The following ESS2 variants were observed in gnomAD, a reference collection of about 807,000 sequenced individuals.
ESS2 encodes splicing factor ESS-2 homolog.
ESS2 carries 31 observed loss-of-function variants against 52.0 expected under a neutral mutation model. The observed-to-expected ratio is 0.60, with a 90% CI of 0.45 to 0.81. ESS2 has a LOEUF of 0.81. ESS2 is among the 30% of genes least tolerant of loss of function. The pLI, the probability that ESS2 is intolerant of heterozygous loss-of-function variation, is 0.00. For missense variants in ESS2, 602 were observed against 637.2 expected, an observed-to-expected ratio of 0.94 and a Z score of 0.59; for synonymous variants, 285 against 259.2, an observed-to-expected ratio of 1.10 and a Z score of -0.95.
intron 1 of ESS2, among the ~76,000 whole-genome samples, chr22:19,143,818 C>T (rs948765083): frequency 3.3e-5 from 5 of 152,304 alleles, no homozygotes; most frequent in Middle Eastern, 6.8e-3. Flanking sequence ...CGAGATCGCG[C>T]CACTGCACTC....
At chr22:19,138,499 G>C (rs1414007162) in intron 6 of ESS2, 182 bp from the exon 7 acceptor site, 1 of 718,390 alleles carries the variant, frequency 1.4e-6, no homozygotes, top group Non-Finnish European at 2.6e-6. Flanking sequence ...CCCCCCAAAA[G>C]ACCTTGAGGG....
In ESS2 at chr22:19,137,337, CG is replaced by C; in HGVS notation, c.1020del (p.Gly341AlafsTer17). On this transcript the variant is annotated frameshift_variant, in exon 8 of 10. Coordinates refer to ENST00000252137, the MANE Select transcript of ESS2 (RefSeq NM_022719.3). LOFTEE classifies it high-confidence loss of function. ...GSETPYVDRT[P>X]GPAFKILEPG... ...CCACAACCCACCTTAAAAGCTGGGC[CG>C]GGTGTCCTGTCCACGTAGGGCGTTT... is the stretch of plus-strand genomic sequence containing the variant. The C allele has an allele frequency of 1.2e-6, 2 of 1,613,036 alleles. No homozygotes were observed. Among genetic ancestry groups the C allele is most frequent in the South Asian group, 2.2e-5 (2 of 90,994 alleles).
chr22:19,136,414 G>T (rs2083583682), intron 8 of ESS2, among the ~76,000 whole-genome samples: 1 of 151,874 alleles, frequency 6.6e-6, no homozygotes, highest in Non-Finnish European at 1.5e-5. Context: ...TTGTTTTATG[G>T]TTATTGTTTT....
At position 19,132,430 on chromosome 22, in the gene ESS2, A is replaced by G. The variant is rs2083519335; in HGVS notation, c.*1766T>C. ...AGGCTGGCCGAGACCTCCAGGGCCA[A>G]AGACCATCACATCTCCGGAGCTGAG... On this transcript the variant is annotated 3_prime_UTR_variant, in exon 10 of 10. Transcript: ENST00000252137. This position sits in a 1 kb window ranked among gnomAD's most constrained non-coding sequence, Gnocchi z 4.2. The G allele has an allele frequency of 5.6e-6, 9 of 1,612,756 alleles. No individual in the cohort carries two copies. The highest frequency in any genetic ancestry group is 7.6e-6 in the Non-Finnish European group (9 of 1,179,936).
chr22:19,137,780 G>A (rs768150211), intron 7 of ESS2: 21 of 985,256 alleles, frequency 2.1e-5, no homozygotes, highest in South Asian at 1.9e-4. Flanking sequence ...ATGCCCTGGC[G>A]TGTGACACAG....
Position 19,139,959 on chromosome 22 carries a change from T to A in ESS2, c.466A>T (p.Thr156Ser). The change falls in exon 4 of 10, where the codon ACG becomes TCG. Residue 156 changes from threonine to serine, a missense_variant. By Grantham distance (58) the Thr-to-Ser change is moderately conservative. Transcript: ENST00000252137. Reference sequence around the variant, plus strand: ...TGGAAGGAGGCATTGTCCTCACTCGTGTAGCGGCTCAGGAAGACATCTAGG... The same window carrying A: ...TGGAAGGAGGCATTGTCCTCACTCGAGTAGCGGCTCAGGAAGACATCTAGG... ...PSLDVFLSRY[T>S]SEDNASFQEI... 6.2e-7 allele frequency: 1 copy of A among 1,614,150 alleles called. No homozygotes were observed.
chr22:19,137,754 C>A lies in ESS2; in HGVS notation c.926-322G>T, dbSNP rs1033018172. 4 of 985,308 alleles carry A rather than the reference C, an allele frequency of 4.1e-6. No homozygotes were observed. In the African/African-American group the frequency reaches 7.0e-5, roughly 17 times the overall value. The allele number at this position is 985,308 out of a possible 1,614,324, so 61.0% of individuals were successfully genotyped here. On this transcript the variant is annotated intron_variant, in intron 7 of 9. Coordinates refer to ENST00000252137, the MANE Select transcript of ESS2 (RefSeq NM_022719.3). ...CAAACCTCCTAGAACCCCAGGCAAACCTGTGGTGCCTTCACATGCCCTGGC... is the reference window on the plus strand; with the variant it reads ...CAAACCTCCTAGAACCCCAGGCAAAACTGTGGTGCCTTCACATGCCCTGGC...
In ESS2 at chr22:19,137,451, A is replaced by G. The variant is rs1157817728; in HGVS notation, c.926-19T>C. 2 of 1,594,334 alleles carry G rather than the reference A, an allele frequency of 1.3e-6. No individual in the cohort carries two copies. Among genetic ancestry groups the G allele is most frequent in the African/African-American group, 2.7e-5 (2 of 74,436 alleles). On this transcript the variant is annotated intron_variant, in intron 7 of 9. Coordinates refer to ENST00000252137, the MANE Select transcript of ESS2 (RefSeq NM_022719.3). ...TTCACACCTGCAGACAAAGAGCCCA[A>G]AACCACCTCAGGCCAGAGGACTCCC...
rs1329994876 is a variant in ESS2 at position 19,132,775 on chromosome 22, C to A, written c.*1421G>T. The A allele has an allele frequency of 2.6e-6, 1 of 391,654 alleles. No homozygotes were observed. Among genetic ancestry groups the A allele is most frequent in the Non-Finnish European group, 4.7e-6 (1 of 212,468 alleles). The allele number at this position is 391,654 out of a possible 1,614,324, so 24.3% of individuals were successfully genotyped here. ...GCCCCACCTGACACACAGTGGTCTC[C>A]GGCCTAGGAGCACAGGACAGATGCT... is the stretch of plus-strand genomic sequence containing the variant. On this transcript the variant is annotated 3_prime_UTR_variant, in exon 10 of 10. Coordinates refer to ENST00000252137, the MANE Select transcript of ESS2 (RefSeq NM_022719.3). The surrounding 1 kb of genome is among the most constrained non-coding windows in gnomAD (Gnocchi z 4.2).
chr22:19,137,568 A>G, intron 7 of ESS2, 136 bp from the exon 8 acceptor site: 1 of 918,252 alleles, frequency 1.1e-6, no homozygotes, highest in Non-Finnish European at 1.6e-6. Flanking sequence ...CTTCCCCAGG[A>G]CTCTGGAACC....
At position 19,131,766 on chromosome 22, in the gene ESS2, G is replaced by A. The variant is rs942901569; in HGVS notation, c.*2430C>T. 8.1e-6 allele frequency: 13 copies of A among 1,613,988 alleles called. No homozygotes were observed. The highest frequency in any genetic ancestry group is 1.1e-5 in the South Asian group (1 of 91,068). ...CAAGATGTTCCGACAGCTCTCCTCCGCCGTCAAGTACTGCCACGACCTGGA... is the reference window on the plus strand; with the variant it reads ...CAAGATGTTCCGACAGCTCTCCTCCACCGTCAAGTACTGCCACGACCTGGA... On this transcript the variant is annotated 3_prime_UTR_variant, in exon 10 of 10. Transcript: ENST00000252137. This position sits in a 1 kb window ranked among gnomAD's most constrained non-coding sequence, Gnocchi z 5.7.
intron 5 of ESS2, among the ~76,000 whole-genome samples, 157 bp downstream of exon 5, chr22:19,139,455 C>T (rs1415212098): frequency 3.3e-5 from 5 of 152,222 alleles, no homozygotes; most frequent in Admixed American, 2.6e-4. Flanking sequence ...GCTGACCTCA[C>T]ACAGACCTGT....
chr22:19,130,315 A>G lies in ESS2; in HGVS notation c.*3881T>C, dbSNP rs531492374. ...GGAGTTTATCACTGTAACTGGATAC[A>G]GGGAGAAGGCTGGAGATAATTCCAG... On this transcript the variant is annotated 3_prime_UTR_variant, in exon 10 of 10. Transcript: ENST00000252137. 1.2e-5 allele frequency: 2 copies of G among 164,232 alleles called. No homozygotes were observed. The highest frequency in any genetic ancestry group is 1.5e-4 in the South Asian group (1 of 6,740). The allele number at this position is 164,232 out of a possible 1,614,324, so 10.2% of individuals were successfully genotyped here. A position where few individuals can be genotyped will look rare whatever the true frequency, so the allele number is the denominator to read the frequency against.
chr22:19,134,212 G>C lies in ESS2; in HGVS notation c.1415C>G (p.Ala472Gly). ...NLLQLPARRK[A>G]SDFF ...GGCCTGGCTCTAAAAGAAGTCCGAA[G>C]CTTTGCGCCGGGCAGGGAGCTGCAG... is the stretch of plus-strand genomic sequence containing the variant. The change falls in exon 10 of 10, where the codon GCT becomes GGT. Residue 472 changes from alanine to glycine, a missense_variant. Coordinates refer to ENST00000252137, the MANE Select transcript of ESS2 (RefSeq NM_022719.3). The C allele has an allele frequency of 6.6e-7, 1 of 1,519,098 alleles. No homozygotes were observed. Among genetic ancestry groups the C allele is most frequent in the Non-Finnish European group, 8.8e-7 (1 of 1,132,040 alleles). The allele number at this position is 1,519,098 out of a possible 1,614,324, so 94.1% of individuals were successfully genotyped here.
chr22:19,142,370 T>C (rs2083701777), intron 3 of ESS2, among the ~76,000 whole-genome samples, 168 bp downstream of exon 3: 1 of 152,242 alleles, frequency 6.6e-6, no homozygotes, highest in Non-Finnish European at 1.5e-5. Flanking sequence ...ACCCAGATGT[T>C]CTACCACCTA....
chr22:19,132,747 A>C lies in ESS2; in HGVS notation c.*1449T>G. ...AGTGTTTTTCTCTGGGACTCAGCCA[A>C]CCGCCCCACCTGACACACAGTGGTC... On this transcript the variant is annotated 3_prime_UTR_variant, in exon 10 of 10. Coordinates refer to ENST00000252137, the MANE Select transcript of ESS2 (RefSeq NM_022719.3). The surrounding 1 kb of genome is among the most constrained non-coding windows in gnomAD (Gnocchi z 4.2). The C allele has an allele frequency of 6.8e-6, 3 of 440,926 alleles. No individual in the cohort carries two copies. Among genetic ancestry groups the C allele is most frequent in the Non-Finnish European group, 1.2e-5 (3 of 243,260 alleles). 27.3% of individuals were successfully genotyped at this position (440,926 alleles called of 1,614,324 possible).
Position 19,135,127 on chromosome 22 carries a change from CG to C in ESS2, c.1083del (p.Asn361LysfsTer18). 6.2e-7 allele frequency: 1 copy of C among 1,614,088 alleles called. No homozygotes were observed. The highest frequency in any genetic ancestry group is 1.1e-5 in the South Asian group (1 of 91,076). On this transcript the variant is annotated frameshift_variant, in exon 9 of 10. Coordinates refer to ENST00000252137, the MANE Select transcript of ESS2 (RefSeq NM_022719.3). LOFTEE classifies it high-confidence loss of function. ...RRERLGLKMA[N>X]EAAAKNRAKK... is the part of the protein sequence containing the mutation. ...TTGGCCCGGTTCTTGGCAGCGGCCT[CG>C]TTGGCCATCTTCAGACCCAGCCGCT...
chr22:19,131,610 TCC>T lies in ESS2; in HGVS notation c.*2584_*2585del. 1 of 1,613,968 alleles carries T rather than the reference TCC, an allele frequency of 6.2e-7. No individual in the cohort carries two copies. Among genetic ancestry groups the T allele is most frequent in the East Asian group, 2.2e-5 (1 of 44,870 alleles). Reference sequence around the variant, plus strand: ...CATCCTGGCAACTGTCAACCACGGCTCCATCATCAAGACTTACGAGATCTTTG... The same window carrying T: ...CATCCTGGCAACTGTCAACCACGGCTATCATCAAGACTTACGAGATCTTTG... On this transcript the variant is annotated 3_prime_UTR_variant, in exon 10 of 10. Coordinates refer to ENST00000252137, the MANE Select transcript of ESS2 (RefSeq NM_022719.3). The surrounding 1 kb of genome is among the most constrained non-coding windows in gnomAD (Gnocchi z 5.7).
Position 19,133,621 on chromosome 22 carries a change from CCA to C in ESS2, c.*573_*574del, listed in dbSNP as rs2083531376. The C allele has an allele frequency of 6.6e-6, 1 of 152,400 alleles. No individual in the cohort carries two copies. The highest frequency in any genetic ancestry group is 6.5e-5 in the Admixed American group (1 of 15,284). 9.4% of individuals were successfully genotyped at this position (152,400 alleles called of 1,614,324 possible). On this transcript the variant is annotated 3_prime_UTR_variant, in exon 10 of 10. Coordinates refer to ENST00000252137, the MANE Select transcript of ESS2 (RefSeq NM_022719.3). ...CCAGCGCACCTCACAGCCGGCAAGC[CCA>C]GAGTGGAGGCTGCAGACCTGGGCCC...
Sources: gnomAD v4.1 joint callset for allele counts (sites outside exome capture counted in the v4.1 genomes callset) on GRCh38, gnomAD v4.1.1 for gene constraint, Gnocchi (gnomAD v3.1) non-coding constraint, MANE v1.5 for transcripts, NCBI Gene and HGNC (gene_info 2026-07-23, HGNC 2026-07-21) for gene names.